Variants in TLNRD1 observed in about 807,000 individuals in gnomAD.
TLNRD1 encodes the protein talin rod domain-containing protein 1.
TLNRD1 carries 14 observed loss-of-function variants against 19.5 expected under a neutral mutation model. That is an observed-to-expected ratio of 0.72 (90% CI 0.47 to 1.12). TLNRD1 has a LOEUF of 1.12. TLNRD1 is among the 50% of genes most tolerant of loss of function. The probability of loss-of-function intolerance (pLI) is 0.00; values close to 1 mark genes in which losing one functional copy is unlikely to be tolerated. For synonymous variants in TLNRD1, 345 were observed against 261.7 expected (o/e 1.32, Z -3.07); for missense variants, 569 against 531.9 (o/e 1.07, Z -0.69).
rs758105022 is a variant in TLNRD1, at chr15:81,002,721, C to T, written c.450C>T (p.Arg150=). 1.6e-4 allele frequency: 248 copies of T among 1,532,888 alleles called. No homozygotes were observed. Among genetic ancestry groups the T allele is most frequent in the Admixed American group, 3.2e-4 (16 of 50,720 alleles). The allele number at this position is 1,532,888 out of a possible 1,614,324, so 95.0% of individuals were successfully genotyped here. A position where few individuals can be genotyped will look rare whatever the true frequency, so the allele number is the denominator to read the frequency against. ...AQPAQPGLVD[R]YRVTRCRHEV... ...CCGCGCAGCCGGGCCTGGTGGACCG[C>T]TACCGCGTGACGCGATGCCGCCACG... Residue 150 remains arginine, a synonymous_variant, in exon 1 of 1, where the codon CGC becomes CGT. Transcript: ENST00000267984.
At position 81,004,764 on chromosome 15, in the gene TLNRD1, C is replaced by A. The variant is rs957043390; in HGVS notation, c.*1404C>A. On this transcript the variant is annotated 3_prime_UTR_variant, in exon 1 of 1. Coordinates refer to ENST00000267984, the MANE Select transcript of TLNRD1 (RefSeq NM_022566.3). ...CTTTTCTGCAGACATTTTTAGGAGTCTTTTTGTGTGAGTGGTGGTGGAGTG... is the reference window on the plus strand; with the variant it reads ...CTTTTCTGCAGACATTTTTAGGAGTATTTTTGTGTGAGTGGTGGTGGAGTG... 5 of 167,012 alleles carry A rather than the reference C, an allele frequency of 3.0e-5. No individual in the cohort carries two copies. The highest frequency in any genetic ancestry group is 5.9e-5 in the Non-Finnish European group (4 of 68,112). 10.3% of individuals were successfully genotyped at this position (167,012 alleles called of 1,614,324 possible). A position where few individuals can be genotyped will look rare whatever the true frequency, so the allele number is the denominator to read the frequency against.
In TLNRD1 at chr15:81,002,876, G is replaced by T. The variant is rs1339949179; in HGVS notation, c.605G>T (p.Ser202Ile). 6.3e-7 allele frequency: 1 copy of T among 1,597,022 alleles called. No individual in the cohort carries two copies. The highest frequency in any genetic ancestry group is 8.5e-7 in the Non-Finnish European group (1 of 1,178,888). The change falls in exon 1 of 1, where the codon AGT becomes ATT. Residue 202 changes from serine to isoleucine, a missense_variant. Coordinates refer to ENST00000267984, the MANE Select transcript of TLNRD1 (RefSeq NM_022566.3). ...CTGACGGACGCGTGCGCCCTGGCCAGTGACAAGTCACGGGACCGCTTTTCG... is the reference window on the plus strand; with the variant it reads ...CTGACGGACGCGTGCGCCCTGGCCATTGACAAGTCACGGGACCGCTTTTCG... ...KFLTDACALA[S>I]DKSRDRFSRE... is the part of the protein sequence containing the mutation.
rs2141827844 is a variant in TLNRD1 at position 81,003,847 on chromosome 15, G to T, written c.*487G>T. 6.0e-6 allele frequency: 1 copy of T among 166,622 alleles called. No homozygotes were observed. The highest frequency in any genetic ancestry group is 2.1e-4 in the South Asian group (1 of 4,800). 10.3% of individuals were successfully genotyped at this position (166,622 alleles called of 1,614,324 possible). A position where few individuals can be genotyped will look rare whatever the true frequency, so the allele number is the denominator to read the frequency against. On this transcript the variant is annotated 3_prime_UTR_variant, in exon 1 of 1. Coordinates refer to ENST00000267984, the MANE Select transcript of TLNRD1 (RefSeq NM_022566.3). ...AGTATACTTGGTGTGGAAAGAGTAT[G>T]AATTTGCCATGTGATTTGCAAATGG...
Position 81,002,932 on chromosome 15 carries a change from A to C in TLNRD1, c.661A>C (p.Met221Leu). ...REQFKLGVKC[M>L]STSASALLAC... ...GCAGTTCAAGCTGGGCGTCAAGTGC[A>C]TGAGCACCAGCGCGTCGGCGCTGCT... The change falls in exon 1 of 1, where the codon ATG (methionine) becomes CTG (leucine). Residue 221 changes from methionine (M) to leucine (L), a missense_variant. Coordinates refer to ENST00000267984, the MANE Select transcript of TLNRD1 (RefSeq NM_022566.3). The C allele has an allele frequency of 9.4e-6, 15 of 1,596,410 alleles. No homozygotes were observed. Among genetic ancestry groups the C allele is most frequent in the Non-Finnish European group, 1.3e-5 (15 of 1,178,114 alleles).
In TLNRD1 at chr15:81,002,568, G is replaced by C; in HGVS notation, c.297G>C (p.Gln99His). The C allele has an allele frequency of 2.7e-6, 4 of 1,465,468 alleles. No individual in the cohort carries two copies. The highest frequency in any genetic ancestry group is 2.7e-6 in the Non-Finnish European group (3 of 1,115,640). 90.8% of individuals were successfully genotyped at this position (1,465,468 alleles called of 1,614,324 possible). A position where few individuals can be genotyped will look rare whatever the true frequency, so the allele number is the denominator to read the frequency against. ...LSILTHDVQSQLNMGRFGEAG... is the reference protein window; with the variant it reads ...LSILTHDVQSHLNMGRFGEAG... Reference sequence around the variant, plus strand: ...TCCTCACCCACGACGTGCAGAGCCAGCTCAACATGGGCCGCTTCGGGGAGG... The same window carrying C: ...TCCTCACCCACGACGTGCAGAGCCACCTCAACATGGGCCGCTTCGGGGAGG... The change falls in exon 1 of 1, where the codon CAG becomes CAC. Residue 99 changes from glutamine (Q) to histidine (H), a missense_variant. Transcript: ENST00000267984.
Position 81,002,403 on chromosome 15 carries a change from G to A in TLNRD1, c.132G>A (p.Met44Ile), listed in dbSNP as rs1461694267. Reference sequence around the variant, plus strand: ...TCTGCGACCACTGCAAGGGCAAGATGCAGCTGGTGGCTGACCTGCTGCTGC... The same window carrying A: ...TCTGCGACCACTGCAAGGGCAAGATACAGCTGGTGGCTGACCTGCTGCTGC... ...VSVCDHCKGKMQLVADLLLLS... is the reference protein window; with the variant it reads ...VSVCDHCKGKIQLVADLLLLS... The change falls in exon 1 of 1, where the codon ATG (methionine) becomes ATA (isoleucine). Residue 44 changes from methionine to isoleucine, a missense_variant. Met to Ile is a conservative substitution (Grantham distance 10). Coordinates refer to ENST00000267984, the MANE Select transcript of TLNRD1 (RefSeq NM_022566.3). 3 of 1,554,154 alleles carry A rather than the reference G, an allele frequency of 1.9e-6. No individual in the cohort carries two copies. Among genetic ancestry groups the A allele is most frequent in the South Asian group, 1.2e-5 (1 of 86,156 alleles).
chr15:81,003,834 G>T lies in TLNRD1; in HGVS notation c.*474G>T, dbSNP rs1893459071. The T allele has an allele frequency of 6.0e-6, 1 of 166,852 alleles. No individual in the cohort carries two copies. Among genetic ancestry groups the T allele is most frequent in the Non-Finnish European group, 1.5e-5 (1 of 68,742 alleles). The allele number at this position is 166,852 out of a possible 1,614,324, so 10.3% of individuals were successfully genotyped here. A position where few individuals can be genotyped will look rare whatever the true frequency, so the allele number is the denominator to read the frequency against. On this transcript the variant is annotated 3_prime_UTR_variant, in exon 1 of 1. Coordinates refer to ENST00000267984, the MANE Select transcript of TLNRD1 (RefSeq NM_022566.3). ...GTGTTGAATTAGGAGTATACTTGGT[G>T]TGGAAAGAGTATGAATTTGCCATGT... is the stretch of plus-strand genomic sequence containing the variant.
chr15:81,002,521 G>A lies in TLNRD1; in HGVS notation c.250G>A (p.Ala84Thr), dbSNP rs1006324901. The part of the protein sequence containing the change: ...SFEQCRDTII[A>T]RTKGLSILTH... The stretch of plus-strand genomic sequence containing the variant: ...CGAGCAGTGCCGGGACACCATCATC[G>A]CGCGCACCAAGGGGCTCTCCATCCT... The change falls in exon 1 of 1, where the codon GCG becomes ACG. Residue 84 changes from alanine to threonine, a missense_variant. Transcript: ENST00000267984. 22 of 1,470,240 alleles carry A rather than the reference G, an allele frequency of 1.5e-5. No individual in the cohort carries two copies. The highest frequency in any genetic ancestry group is 1.9e-5 in the Non-Finnish European group (21 of 1,114,432). The allele number at this position is 1,470,240 out of a possible 1,614,324, so 91.1% of individuals were successfully genotyped here. A position where few individuals can be genotyped will look rare whatever the true frequency, so the allele number is the denominator to read the frequency against.
In TLNRD1 at chr15:81,001,664, CCGT is replaced by C. The variant is rs1259053035; in HGVS notation, c.-605_-603del. The C allele has an allele frequency of 1.3e-5, 2 of 151,902 alleles. No individual in the cohort carries two copies. The highest frequency in any genetic ancestry group is 2.9e-5 in the Non-Finnish European group (2 of 67,938). The allele number at this position is 151,902 out of a possible 1,614,324, so 9.4% of individuals were successfully genotyped here. A position where few individuals can be genotyped will look rare whatever the true frequency, so the allele number is the denominator to read the frequency against. ...CGTCCCAGAGAGCCAGCCCCGGCCGCCGTCGCGGGGAAGTGCCGCCTGGTGGGG... is the reference window on the plus strand; with the variant it reads ...CGTCCCAGAGAGCCAGCCCCGGCCGCCGCGGGGAAGTGCCGCCTGGTGGGG... On this transcript the variant is annotated 5_prime_UTR_variant, in exon 1 of 1. Coordinates refer to ENST00000267984, the MANE Select transcript of TLNRD1 (RefSeq NM_022566.3).
chr15:81,002,603 G>C lies in TLNRD1; in HGVS notation c.332G>C (p.Ser111Thr). 1 of 1,478,868 alleles carries C rather than the reference G, an allele frequency of 6.8e-7. No homozygotes were observed. The highest frequency in any genetic ancestry group is 1.5e-5 in the African/African-American group (1 of 68,288). The allele number at this position is 1,478,868 out of a possible 1,614,324, so 91.6% of individuals were successfully genotyped here. A position where few individuals can be genotyped will look rare whatever the true frequency, so the allele number is the denominator to read the frequency against. The change falls in exon 1 of 1, where the codon AGC becomes ACC. Residue 111 changes from serine (S) to threonine (T), a missense_variant. Coordinates refer to ENST00000267984, the MANE Select transcript of TLNRD1 (RefSeq NM_022566.3). ...GGCCGCTTCGGGGAGGCGGGGGACA[G>C]CCTGGTGGAGCTGGGCGACCTGGTG... ...NMGRFGEAGDSLVELGDLVVS... is the reference protein window; with the variant it reads ...NMGRFGEAGDTLVELGDLVVS...
In TLNRD1 at chr15:81,003,589, T is replaced by TA. The variant is rs1252928452; in HGVS notation, c.*230dup. The TA allele has an allele frequency of 3.1e-5, 15 of 476,996 alleles. No homozygotes were observed. Among genetic ancestry groups the TA allele is most frequent in the South Asian group, 4.8e-5 (1 of 20,858 alleles). 29.5% of individuals were successfully genotyped at this position (476,996 alleles called of 1,614,324 possible). ...CCCCCATGCAGTAGGGACTGGAAGA[T>TA]ATGTCATCTGCTGGTTGTGTTATCA... On this transcript the variant is annotated 3_prime_UTR_variant, in exon 1 of 1. Transcript: ENST00000267984.
In TLNRD1 at chr15:81,003,148, A is replaced by T. The variant is rs1044894355; in HGVS notation, c.877A>T (p.Met293Leu). 3.2e-6 allele frequency: 5 copies of T among 1,568,002 alleles called. No individual in the cohort carries two copies. The highest frequency in any genetic ancestry group is 1.4e-5 in the African/African-American group (1 of 73,936). Reference sequence around the variant, plus strand: ...GCAGACCGCCATCCTGGGCGGCGCCATGAGCGTGGTGTCGGCCTGCGTGCT... The same window carrying T: ...GCAGACCGCCATCCTGGGCGGCGCCTTGAGCGTGGTGTCGGCCTGCGTGCT... ...AVQTAILGGA[M>L]SVVSACVLLT... The change falls in exon 1 of 1, where the codon ATG (methionine) becomes TTG (leucine). Residue 293 changes from methionine to leucine, a missense_variant. By Grantham distance (15) the Met-to-Leu change is conservative (BLOSUM62 2). Transcript: ENST00000267984.
rs890375413 is a variant in TLNRD1 at position 81,001,729 on chromosome 15, G to C, written c.-543G>C. 6.6e-6 allele frequency: 1 copy of C among 151,990 alleles called. No homozygotes were observed. The highest frequency in any genetic ancestry group is 1.5e-5 in the Non-Finnish European group (1 of 67,964). 9.4% of individuals were successfully genotyped at this position (151,990 alleles called of 1,614,324 possible). On this transcript the variant is annotated 5_prime_UTR_variant, in exon 1 of 1. Transcript: ENST00000267984. ...GAAGCCCACGTGCGCCGCCGAGCCC[G>C]AGGTGGCCTCGAGCGCGGCGGCTGA...
In TLNRD1 at chr15:81,002,235, G is replaced by C. The variant is rs999708388; in HGVS notation, c.-37G>C. 8.1e-7 allele frequency: 1 copy of C among 1,229,980 alleles called. No individual in the cohort carries two copies. The highest frequency in any genetic ancestry group is 1.0e-6 in the Non-Finnish European group (1 of 987,154). The allele number at this position is 1,229,980 out of a possible 1,614,324, so 76.2% of individuals were successfully genotyped here. ...TGGCCGCGGCAGCGGCGGTGGTAGC[G>C]GGCTCCCCAGCGGCATGCCAGTGCC... On this transcript the variant is annotated 5_prime_UTR_variant, in exon 1 of 1. Coordinates refer to ENST00000267984, the MANE Select transcript of TLNRD1 (RefSeq NM_022566.3).
rs529111356 is a variant in TLNRD1 at position 81,001,875 on chromosome 15, G to A, written c.-397G>A. The A allele has an allele frequency of 1.9e-5, 3 of 160,042 alleles. No homozygotes were observed. Among genetic ancestry groups the A allele is most frequent in the Non-Finnish European group, 2.7e-5 (2 of 73,396 alleles). The allele number at this position is 160,042 out of a possible 1,614,324, so 9.9% of individuals were successfully genotyped here. A position where few individuals can be genotyped will look rare whatever the true frequency, so the allele number is the denominator to read the frequency against. On this transcript the variant is annotated 5_prime_UTR_variant, in exon 1 of 1. Transcript: ENST00000267984. ...CCCGTCCCGCCCTCCCCGCTCCGAGGGCCGCGCCAGGCCATGCCCAAGAAG... is the reference window on the plus strand; with the variant it reads ...CCCGTCCCGCCCTCCCCGCTCCGAGAGCCGCGCCAGGCCATGCCCAAGAAG...
rs766996418 is a variant in TLNRD1 at position 81,002,970 on chromosome 15, C to A, written c.699C>A (p.Arg233=). 6.3e-5 allele frequency: 100 copies of A among 1,583,792 alleles called. No individual in the cohort carries two copies. The South Asian group carries it at 9.6e-4, about 15-fold the overall frequency. Residue 233 remains arginine, a synonymous_variant, in exon 1 of 1, where the codon CGC becomes CGA. Transcript: ENST00000267984. The stretch of plus-strand genomic sequence containing the variant: ...CGTCGGCGCTGCTGGCCTGCGTGCG[C>A]GAGGTGAAGGTGGCGCCCAGTGAGC... The part of the protein sequence containing the change: ...TSASALLACV[R]EVKVAPSELA...
In TLNRD1 at chr15:81,002,504, G is replaced by T; in HGVS notation, c.233G>T (p.Cys78Phe). The part of the protein sequence containing the change: ...SGAGAESFEQ[C>F]RDTIIARTKG... ...GCCGGCGCCGAGTCCTTCGAGCAGT[G>T]CCGGGACACCATCATCGCGCGCACC... Residue 78 changes from cysteine to phenylalanine, a missense_variant, in exon 1 of 1, where the codon TGC becomes TTC. By Grantham distance (205) the Cys-to-Phe change is radical. Coordinates refer to ENST00000267984, the MANE Select transcript of TLNRD1 (RefSeq NM_022566.3). 1 of 1,488,364 alleles carries T rather than the reference G, an allele frequency of 6.7e-7. No homozygotes were observed. Among genetic ancestry groups the T allele is most frequent in the Non-Finnish European group, 8.9e-7 (1 of 1,122,714 alleles). 92.2% of individuals were successfully genotyped at this position (1,488,364 alleles called of 1,614,324 possible). A position where few individuals can be genotyped will look rare whatever the true frequency, so the allele number is the denominator to read the frequency against.
chr15:81,004,097 A>G lies in TLNRD1; in HGVS notation c.*737A>G, dbSNP rs1315542126. ...AAGGGTCTGTGGGAAGGCTATTTCA[A>G]TAGTAGTGAGGCGGGCCCCCAATTC... On this transcript the variant is annotated 3_prime_UTR_variant, in exon 1 of 1. Coordinates refer to ENST00000267984, the MANE Select transcript of TLNRD1 (RefSeq NM_022566.3). The G allele has an allele frequency of 1.2e-5, 2 of 167,032 alleles. No individual in the cohort carries two copies. Among genetic ancestry groups the G allele is most frequent in the East Asian group, 1.9e-4 (1 of 5,190 alleles). The allele number at this position is 167,032 out of a possible 1,614,324, so 10.3% of individuals were successfully genotyped here. A position where few individuals can be genotyped will look rare whatever the true frequency, so the allele number is the denominator to read the frequency against.
In TLNRD1 at chr15:81,003,081, C is replaced by T. The variant is rs925234910; in HGVS notation, c.810C>T (p.Phe270=). ...TAGGCTTCGCCACCGAGCCGCAGTT[C>T]CTGGGTCGCGCGGCAGCTGTGAGCG... ...ALVGFATEPQ[F]LGRAAAVSAE... The change falls in exon 1 of 1, where the codon TTC becomes TTT. Residue 270 remains phenylalanine (F), a synonymous_variant. Coordinates refer to ENST00000267984, the MANE Select transcript of TLNRD1 (RefSeq NM_022566.3). 2 of 1,551,282 alleles carry T rather than the reference C, an allele frequency of 1.3e-6. No individual in the cohort carries two copies. Among genetic ancestry groups the T allele is most frequent in the East Asian group, 2.4e-5 (1 of 41,672 alleles).
Sources: gnomAD v4.1 joint callset for allele counts on GRCh38, gnomAD v4.1.1 for gene constraint, MANE v1.5 for transcripts, NCBI Gene and HGNC (gene_info 2026-07-23, HGNC 2026-07-21) for gene names.